PPP2R2B: variants seen among roughly 807,000 people sequenced by gnomAD.
The protein encoded by PPP2R2B is protein phosphatase 2 regulatory subunit Bbeta, also known as serine/threonine-protein phosphatase 2A 55 kDa regulatory subunit B beta isoform.
PPP2R2B carries 5 observed loss-of-function variants against 46.0 expected under a neutral mutation model. The ratio of observed to expected loss-of-function variants is 0.11; its 90% CI spans 0.06 to 0.23. The LOEUF (loss-of-function observed/expected upper bound fraction) is 0.23. Ranked by LOEUF, PPP2R2B falls within the 10% of genes least tolerant of loss-of-function variation. PPP2R2B has a pLI of 1.00. For synonymous variants in PPP2R2B, 215 were observed against 206.7 expected, an observed-to-expected ratio of 1.04 and a Z score of -0.34; for missense variants, 367 against 575.0, an observed-to-expected ratio of 0.64 and a Z score of 3.70.
At chr5:146,644,289 CAGG>C (rs1775432840) in intron 6 of PPP2R2B, among the ~76,000 whole-genome samples, 1 of 97,178 alleles carries the variant, frequency 1.0e-5, no homozygotes, top group Non-Finnish European at 2.2e-5. Flanking sequence ...TTGGGTAAAT[CAGG>C]AGTTTTAAAT....
intron 2 of PPP2R2B, among the ~76,000 whole-genome samples, chr5:146,805,497 T>C (rs1489550668): frequency 6.6e-6 from 1 of 152,226 alleles, no homozygotes; most frequent in African/African-American, 2.4e-5. Flanking sequence ...ATTCCTCATT[T>C]ATCCAAGATA....
intron 1 of PPP2R2B, among the ~76,000 whole-genome samples, chr5:146,942,618 A>G (rs556166919): frequency 1.3e-5 from 2 of 152,268 alleles, no homozygotes; most frequent in African/African-American, 4.8e-5. Context: ...AGAATGGAGT[A>G]ACTCCATTCC....
chr5:146,609,235 C>T (rs1022989164), intron 7 of PPP2R2B, among the ~76,000 whole-genome samples: 5 of 152,030 alleles, frequency 3.3e-5, no homozygotes, highest in East Asian at 1.9e-4. Context: ...ACAGAGCCAC[C>T]GCTAGTATCA....
chr5:146,698,317 A>AAAAAATATAT (rs1250416449), intron 3 of PPP2R2B, among the ~76,000 whole-genome samples, 173 bp from the exon 4 acceptor site: 9 of 85,650 alleles, frequency 1.1e-4, no homozygotes, highest in Non-Finnish European at 1.4e-4. Context: ...AAAAAAAAAA[A>AAAAAATATAT]ATATATATAT....
In PPP2R2B at chr5:146,587,658, A is replaced by G. The variant is rs982691830; in HGVS notation, c.*2289T>C. The G allele has an allele frequency of 3.3e-5, 5 of 152,206 alleles. No individual in the cohort carries two copies. The highest frequency in any genetic ancestry group is 7.3e-5 in the Non-Finnish European group (5 of 68,030). The allele number at this position is 152,206 out of a possible 1,614,324, so 9.4% of individuals were successfully genotyped here. A position where few individuals can be genotyped will look rare whatever the true frequency, so the allele number is the denominator to read the frequency against. ...TCATATCAGTTACTCAGGGTCCCAAAGTTTGATACACATGCTCCTGGTGGT... is the reference window on the plus strand; with the variant it reads ...TCATATCAGTTACTCAGGGTCCCAAGGTTTGATACACATGCTCCTGGTGGT... On this transcript the variant is annotated 3_prime_UTR_variant, in exon 10 of 10. Coordinates refer to ENST00000394411, the MANE Select transcript of PPP2R2B (RefSeq NM_181675.4).
rs184296584 is a variant in PPP2R2B at position 146,930,881 on chromosome 5, T to A, written c.79+124784A>T. The stretch of plus-strand genomic sequence containing the variant: ...AATGCAGAGACTAGTCTCTTGGAAA[T>A]AGCTAAACATCCAGGAGAATGCTTA... On this transcript the variant is annotated intron_variant, in intron 1 of 8. Coordinates refer to the PPP2R2B transcript ENST00000336640. 2.6e-5 allele frequency among the ~76,000 whole-genome samples: 4 copies of A among 152,304 alleles called. No individual in the cohort carries two copies. In the East Asian group the frequency reaches 7.7e-4, roughly 29 times the overall value.
At chr5:146,708,286 G>A (rs1392270849) in intron 2 of PPP2R2B, among the ~76,000 whole-genome samples, 1 of 151,804 alleles carries the variant, frequency 6.6e-6, no homozygotes. Context: ...GAGCCTGGGA[G>A]GCAGAGGTTG....
At chr5:146,705,698 T>C (rs1022287209) in intron 2 of PPP2R2B, among the ~76,000 whole-genome samples, 4 of 152,108 alleles carry the variant, frequency 2.6e-5, no homozygotes, top group African/African-American at 4.8e-5. Context: ...CAAGTTTTGG[T>C]AACTGAAATA....
At chr5:146,860,467 CATCTT>C (rs1461368869) in intron 2 of PPP2R2B, among the ~76,000 whole-genome samples, 5 of 152,316 alleles carry the variant, frequency 3.3e-5, no homozygotes, top group Admixed American at 3.3e-4. Context: ...AAAGCAAGAT[CATCTT>C]ATGAGTGGAT....
At chr5:146,776,835 A>G (rs1207752623) in intron 2 of PPP2R2B, among the ~76,000 whole-genome samples, 8 of 152,262 alleles carry the variant, frequency 5.3e-5, no homozygotes, top group Non-Finnish European at 1.0e-4. Flanking sequence ...AAATGGGCAA[A>G]GGAATTGAAT....
chr5:146,802,048 GACTA>G (rs764181554), intron 2 of PPP2R2B, among the ~76,000 whole-genome samples: 2 of 152,134 alleles, frequency 1.3e-5, no homozygotes, highest in Non-Finnish European at 2.9e-5. Flanking sequence ...GATTCTTTAT[GACTA>G]ACTGAGGCAG....
chr5:146,633,904 A>G (rs1478489166), intron 7 of PPP2R2B, among the ~76,000 whole-genome samples: 1 of 152,122 alleles, frequency 6.6e-6, no homozygotes, highest in Middle Eastern at 3.2e-3. Context: ...AGTCCTCAAC[A>G]CCTCTACTTG....
Position 146,648,500 on chromosome 5 carries a change from G to A in PPP2R2B, c.625+2047C>T, listed in dbSNP as rs370935979. On this transcript the variant is annotated intron_variant, in intron 6 of 9. Transcript: ENST00000394411. ...TACTTTGATGACCTACTATTATTTC[G>A]AACTTGACAGGTTCAATAATTTTCT... 2.1e-4 allele frequency among the ~76,000 whole-genome samples: 32 copies of A among 151,998 alleles called. No individual in the cohort carries two copies. The South Asian group carries it at 6.2e-3, about 30-fold the overall frequency.
At chr5:146,700,942 G>GC (rs1481439626) in intron 3 of PPP2R2B, 103 bp downstream of exon 3, 1 of 1,054,596 alleles carries the variant, frequency 9.5e-7, no homozygotes, top group East Asian at 2.4e-5. Flanking sequence ...TAGTTTTCGA[G>GC]CAAAGCAGCA....
rs78913713 is a variant in PPP2R2B at position 146,765,979 on chromosome 5, T to C, written c.71-64837A>G. Among the ~76,000 whole-genome samples, 154 of 152,330 alleles carry C rather than the reference T, an allele frequency of 1.0e-3. 4 individuals are homozygous for C. The East Asian group carries it at 0.027, about 26-fold the overall frequency. ...TGGACAGAACTTTTTAGACTCTCCATTTATTATCATCTGGTGATTAAAGAA... is the reference window on the plus strand; with the variant it reads ...TGGACAGAACTTTTTAGACTCTCCACTTATTATCATCTGGTGATTAAAGAA... On this transcript the variant is annotated intron_variant, in intron 2 of 9. Coordinates refer to ENST00000394411, the MANE Select transcript of PPP2R2B (RefSeq NM_181675.4).
In PPP2R2B at chr5:146,812,783, GTATA is replaced by G. The variant is rs1397177129; in HGVS notation, c.70+65215_70+65218del. On this transcript the variant is annotated intron_variant, in intron 2 of 9. Coordinates refer to ENST00000394411, the MANE Select transcript of PPP2R2B (RefSeq NM_181675.4). The stretch of plus-strand genomic sequence containing the variant: ...AGAGTTACTTAATGTGTGTGTGTGT[GTATA>G]TGTGTGTATATATATATATATATAT... Among the ~76,000 whole-genome samples, 22 of 15,774 alleles carry G rather than the reference GTATA, an allele frequency of 1.4e-3. 3 individuals are homozygous for G. The highest frequency in any genetic ancestry group is 8.5e-3 in the East Asian group (4 of 472). The allele number at this position is 15,774 out of a possible 152,430, so 10.3% of individuals were successfully genotyped here. A position where few individuals can be genotyped will look rare whatever the true frequency, so the allele number is the denominator to read the frequency against.
At chr5:147,026,544 A>G (rs1210558606) in intron 1 of PPP2R2B, among the ~76,000 whole-genome samples, 2 of 152,152 alleles carry the variant, frequency 1.3e-5, no homozygotes, top group South Asian at 2.1e-4. Context: ...ATATCTCTCT[A>G]TATATGTCAA....
intron 2 of PPP2R2B, chr5:146,706,916 TC>T: frequency 8.0e-7 from 1 of 1,250,520 alleles, no homozygotes; most frequent in Non-Finnish European, 1.2e-6. Flanking sequence ...GGACTGCAGC[TC>T]CCGGATCTCC....
intron 1 of PPP2R2B, among the ~76,000 whole-genome samples, chr5:146,903,849 A>G (rs986121351): frequency 6.6e-6 from 1 of 152,212 alleles, no homozygotes; most frequent in South Asian, 2.1e-4. Flanking sequence ...AAATGGGGAT[A>G]ATAATTATTG....
Sources: gnomAD v4.1 joint callset for allele counts (sites outside exome capture counted in the v4.1 genomes callset) on GRCh38, gnomAD v4.1.1 for gene constraint, MANE v1.5 for transcripts, NCBI Gene and HGNC (gene_info 2026-07-23, HGNC 2026-07-21) for gene names.